The following CATSPERB variants were observed in gnomAD, a reference collection of about 807,000 sequenced individuals.
CATSPERB encodes cation channel sperm-associated auxiliary subunit beta.
Under a neutral mutation model 128.3 loss-of-function variants are expected in CATSPERB, and 93 were observed. The observed-to-expected ratio is 0.72, with a 90% CI of 0.61 to 0.86. The LOEUF (loss-of-function observed/expected upper bound fraction) is 0.86. Ranked by LOEUF, CATSPERB falls within the 40% of genes least tolerant of loss-of-function variation. The pLI is 0.00. For missense variants in CATSPERB, 1,153 were observed against 1,329.5 expected (o/e 0.87, Z 2.06); for synonymous variants, 381 against 448.8 (o/e 0.85, Z 1.91).
intron 13 of CATSPERB, among the ~76,000 whole-genome samples, chr14:91,670,992 C>CT (rs1348650205): frequency 2.6e-5 from 4 of 151,950 alleles, no homozygotes; most frequent in Admixed American, 2.6e-4. Flanking sequence ...GACAGGGACC[C>CT]TGTCTCAAAA....
At chr14:91,690,400 G>T (rs1298281874) in intron 10 of CATSPERB, among the ~76,000 whole-genome samples, 1 of 152,094 alleles carries the variant, frequency 6.6e-6, no homozygotes, top group Admixed American at 6.6e-5. Context: ...AAACAGCATA[G>T]ACAGGGCTCC....
chr14:91,606,037 G>A (rs1185079485), intron 22 of CATSPERB, among the ~76,000 whole-genome samples: 2 of 151,922 alleles, frequency 1.3e-5, no homozygotes, highest in Admixed American at 1.3e-4. Flanking sequence ...TTAGCTGGGT[G>A]TGGTGGTGGG....
At position 91,609,328 on chromosome 14, in the gene CATSPERB, G is replaced by A. The variant is rs187233120; in HGVS notation, c.2599-924C>T. On this transcript the variant is annotated intron_variant, in intron 21 of 26. Transcript: ENST00000256343. The stretch of plus-strand genomic sequence containing the variant: ...ACGATGAAAAGTACATTAGAGCCAC[G>A]AGAGGTCACTTTTTATTGTGAATTG... Among the ~76,000 whole-genome samples the A allele has an allele frequency of 6.7e-3, 1,014 of 152,170 alleles. 2 individuals are homozygous for A. The highest frequency in any genetic ancestry group is 0.011 in the African/African-American group (465 of 41,506).
chr14:91,614,838 T>C (rs1893905463), intron 20 of CATSPERB, among the ~76,000 whole-genome samples: 1 of 152,218 alleles, frequency 6.6e-6, no homozygotes, highest in East Asian at 1.9e-4. Context: ...GAATTAAGCA[T>C]ATTTTTTTCC....
At chr14:91,611,727 A>G (rs1309094588) in intron 20 of CATSPERB, among the ~76,000 whole-genome samples, 1 of 152,254 alleles carries the variant, frequency 6.6e-6, no homozygotes, top group Non-Finnish European at 1.5e-5. Context: ...TTTTTGCTGA[A>G]TTAGCAGATT....
At chr14:91,703,196 A>G (rs1339850338) in intron 7 of CATSPERB, among the ~76,000 whole-genome samples, 2 of 152,120 alleles carry the variant, frequency 1.3e-5, no homozygotes, top group African/African-American at 4.8e-5. Flanking sequence ...GAGGTCATCA[A>G]TTAGCTAGGA....
chr14:91,724,572 T>C (rs1158363138), intron 3 of CATSPERB, among the ~76,000 whole-genome samples: 1 of 152,194 alleles, frequency 6.6e-6, no homozygotes, highest in Non-Finnish European at 1.5e-5. Flanking sequence ...TAATGTATAT[T>C]TTTGTTAGTA....
chr14:91,675,175 G>A (rs947254438), intron 11 of CATSPERB, among the ~76,000 whole-genome samples: 6 of 152,316 alleles, frequency 3.9e-5, no homozygotes, highest in Non-Finnish European at 5.9e-5. Context: ...GCAATTGGCC[G>A]CAGCAGTGTG....
intron 5 of CATSPERB, among the ~76,000 whole-genome samples, chr14:91,710,835 T>A (rs1877573281): frequency 6.6e-6 from 1 of 152,144 alleles, no homozygotes. Context: ...GTAACTTGAA[T>A]AATTTTTTTT....
rs781376939 is a variant in CATSPERB at position 91,729,411 on chromosome 14, T to C, written c.69A>G (p.Val23=). The change falls in exon 2 of 27, where the codon GTA becomes GTG. Residue 23 remains valine (V), a synonymous_variant. Coordinates refer to ENST00000256343, the MANE Select transcript of CATSPERB (RefSeq NM_024764.4). Reference sequence around the variant, plus strand: ...TGGTCTGAAACTTACCTTTATTATATACTATTCCTGATGAAAATTCAAATA... The same window carrying C: ...TGGTCTGAAACTTACCTTTATTATACACTATTCCTGATGAAAATTCAAATA... ...LNIFEFSSGI[V]YNKDDTEKRF... The C allele has an allele frequency of 1.4e-6, 2 of 1,454,004 alleles. No individual in the cohort carries two copies. The highest frequency in any genetic ancestry group is 4.6e-5 in the East Asian group (2 of 43,500). 90.1% of individuals were successfully genotyped at this position (1,454,004 alleles called of 1,614,324 possible). A position where few individuals can be genotyped will look rare whatever the true frequency, so the allele number is the denominator to read the frequency against.
At chr14:91,708,380 G>T (rs980783879) in intron 5 of CATSPERB, 144 bp from the exon 6 acceptor site, 2 of 591,302 alleles carry the variant, frequency 3.4e-6, no homozygotes, top group Non-Finnish European at 5.9e-6. Context: ...AATTTCATAC[G>T]TTTTCCCTAT....
chr14:91,636,314 C>T, intron 17 of CATSPERB, 111 bp downstream of exon 17: 1 of 925,246 alleles, frequency 1.1e-6, no homozygotes, highest in East Asian at 2.4e-5. Flanking sequence ...AGTGAGCTGT[C>T]ATCGCACTAC....
intron 5 of CATSPERB, among the ~76,000 whole-genome samples, chr14:91,712,620 T>C (rs909384267): frequency 6.6e-6 from 1 of 152,242 alleles, no homozygotes; most frequent in Non-Finnish European, 1.5e-5. Flanking sequence ...TTTGTATGAT[T>C]ATCGTATACT....
At chr14:91,650,746 GA>G (rs1894691171) in intron 15 of CATSPERB, among the ~76,000 whole-genome samples, 1 of 151,978 alleles carries the variant, frequency 6.6e-6, no homozygotes, top group Non-Finnish European at 1.5e-5. Context: ...TACTATGCCA[GA>G]AACTGTAGAT....
Position 91,689,018 on chromosome 14 carries a change from T to C in CATSPERB, c.864+2505A>G, listed in dbSNP as rs17127495. 3.7e-3 allele frequency among the ~76,000 whole-genome samples: 566 copies of C among 152,318 alleles called. 5 individuals are homozygous for C. Among genetic ancestry groups the C allele is most frequent in the African/African-American group, 0.012 (499 of 41,562 alleles). ...GGTATGGTTTGTGGAGCACCTCGAA[T>C]TTTGACAATTGGAATAATAGATGGC... On this transcript the variant is annotated intron_variant, in intron 10 of 26. Transcript: ENST00000256343.
At chr14:91,611,608 A>AAAACAAAC (rs1021215324) in intron 20 of CATSPERB, among the ~76,000 whole-genome samples, 1 of 152,168 alleles carries the variant, frequency 6.6e-6, no homozygotes. Flanking sequence ...AGCCGTCTCA[A>AAAACAAAC]AAACAAACAA....
intron 14 of CATSPERB, 41 bp downstream of exon 14, chr14:91,669,773 G>A (rs370127355): frequency 1.5e-4 from 230 of 1,564,362 alleles, no homozygotes; most frequent in Non-Finnish European, 1.9e-4. Flanking sequence ...GTAGGTGGAT[G>A]ATTTAACTCT....
chr14:91,603,363 C>A, intron 22 of CATSPERB: 1 of 1,609,702 alleles, frequency 6.2e-7, no homozygotes, highest in Non-Finnish European at 8.5e-7. Flanking sequence ...TAACTTTTTA[C>A]CTTTGCTAAA....
At chr14:91,606,312 C>T (rs1743164) in intron 22 of CATSPERB, among the ~76,000 whole-genome samples, 83,418 of 152,006 alleles carry the variant, frequency 0.55, 24,080 homozygotes, top group Admixed American at 0.64. Context: ...CCTATAAACT[C>T]AGCACTTTGA....
Sources: gnomAD v4.1 joint callset for allele counts (sites outside exome capture counted in the v4.1 genomes callset) on GRCh38, gnomAD v4.1.1 for gene constraint, MANE v1.5 for transcripts, NCBI Gene and HGNC (gene_info 2026-07-23, HGNC 2026-07-21) for gene names.